Variants in NECTIN3 observed in about 807,000 individuals in gnomAD.
NECTIN3 encodes the protein nectin cell adhesion molecule 3, also known as nectin-3.
A neutral mutation model predicts 49.4 loss-of-function variants in NECTIN3; 8 were observed. That is an observed-to-expected ratio of 0.16 (90% CI 0.10 to 0.29). NECTIN3 has a LOEUF of 0.29. Ranked by LOEUF, NECTIN3 falls within the 10% of genes least tolerant of loss-of-function variation. The pLI, the probability that NECTIN3 is intolerant of heterozygous loss-of-function variation, is 1.00. For synonymous variants in NECTIN3, 277 were observed against 241.1 expected (o/e 1.15, Z -1.38); for missense variants, 581 against 654.6 (o/e 0.89, Z 1.23).
At chr3:111,172,210 T>G (rs1559817977) in intron 7 of NECTIN3, among the ~76,000 whole-genome samples, 1 of 152,182 alleles carries the variant, frequency 6.6e-6, no homozygotes, top group Non-Finnish European at 1.5e-5. Context: ...CTCATTTTAG[T>G]GCCTCTCATC....
upstream of NECTIN3, among the ~76,000 whole-genome samples, chr3:111,187,708 T>C (rs1330037818): frequency 6.6e-6 from 1 of 152,172 alleles, no homozygotes; most frequent in African/African-American, 2.4e-5. Context: ...AGCTACATAC[T>C]GAATGATTTC....
intron 7 of NECTIN3, among the ~76,000 whole-genome samples, chr3:111,158,959 G>T (rs1253454815): frequency 1.3e-5 from 2 of 152,022 alleles, no homozygotes; most frequent in Non-Finnish European, 2.9e-5. Context: ...TGTACTAATG[G>T]CCAATAAGCA....
At chr3:111,076,332 A>G (rs1576062364) in intron 1 of NECTIN3, among the ~76,000 whole-genome samples, 1 of 152,152 alleles carries the variant, frequency 6.6e-6, no homozygotes, top group East Asian at 1.9e-4. Context: ...TAAATAATAC[A>G]TTGCTATAAC....
chr3:111,187,635 A>G (rs1183767000), upstream of NECTIN3, among the ~76,000 whole-genome samples: 2 of 152,238 alleles, frequency 1.3e-5, no homozygotes, highest in East Asian at 1.9e-4. Context: ...GGAATAAACC[A>G]TCAAGTCATG....
At chr3:111,113,311 C>T (rs1290203201) in intron 2 of NECTIN3, among the ~76,000 whole-genome samples, 1 of 152,142 alleles carries the variant, frequency 6.6e-6, no homozygotes, top group Non-Finnish European at 1.5e-5. Flanking sequence ...TGTCAGGGTA[C>T]TGATAGCTCC....
chr3:111,179,344 G>T lies in NECTIN3; in HGVS notation c.1222-13007G>T, dbSNP rs1446216921. 4.6e-5 allele frequency among the ~76,000 whole-genome samples: 7 copies of T among 152,202 alleles called. No homozygotes were observed. In the East Asian group the frequency reaches 1.4e-3, roughly 29 times the overall value. On this transcript the variant is annotated intron_variant, in intron 7 of 8. Transcript: ENST00000493615. Reference sequence around the variant, plus strand: ...AAGATTTCCAGTCCAGCTGGCACAGGTTTCTCAACAAAGCTAGCACCCAAG... The same window carrying T: ...AAGATTTCCAGTCCAGCTGGCACAGTTTTCTCAACAAAGCTAGCACCCAAG...
At chr3:111,140,726 A>G (rs1247310964), downstream of NECTIN3, among the ~76,000 whole-genome samples, 1 of 151,796 alleles carries the variant, frequency 6.6e-6, no homozygotes, top group Non-Finnish European at 1.5e-5. Flanking sequence ...GTGTCACAAG[A>G]TGTGAAGGAA....
intron 1 of NECTIN3, among the ~76,000 whole-genome samples, chr3:111,102,500 A>G (rs985983704): frequency 1.3e-5 from 2 of 152,252 alleles, no homozygotes; most frequent in South Asian, 4.1e-4. Flanking sequence ...AACCCAGGTT[A>G]AATCTTGTTC....
In NECTIN3 at chr3:111,136,692, T is replaced by C. The variant is rs928176535; in HGVS notation, c.*2477T>C. ...ACTATCGTGAAAAAAAATGAATATT[T>C]GTACTATTTTTGGCCATATTTATAT... On this transcript the variant is annotated 3_prime_UTR_variant, in exon 6 of 6. Transcript: ENST00000485303. The C allele has an allele frequency of 4.9e-5, 45 of 912,612 alleles. No individual in the cohort carries two copies. In the African/African-American group the frequency reaches 7.9e-4, roughly 16 times the overall value. 56.5% of individuals were successfully genotyped at this position (912,612 alleles called of 1,614,324 possible). A position where few individuals can be genotyped will look rare whatever the true frequency, so the allele number is the denominator to read the frequency against.
intron 2 of NECTIN3, among the ~76,000 whole-genome samples, chr3:111,113,195 G>A (rs1034576862): frequency 2.0e-5 from 3 of 152,144 alleles, no homozygotes; most frequent in Non-Finnish European, 4.4e-5. Flanking sequence ...GTAGCCAGGG[G>A]TAAGCTCTTC....
At chr3:111,186,409 G>C (rs1279186445) in intron 7 of NECTIN3, among the ~76,000 whole-genome samples, 1 of 152,130 alleles carries the variant, frequency 6.6e-6, no homozygotes, top group East Asian at 1.9e-4. Context: ...AAGCTGTACA[G>C]CTAACATCAT....
chr3:111,146,895 A>G (rs2034887934), intron 6 of NECTIN3, among the ~76,000 whole-genome samples: 1 of 152,136 alleles, frequency 6.6e-6, no homozygotes, highest in South Asian at 2.1e-4. Flanking sequence ...CTAAAAATGT[A>G]ATGGTTATTT....
At chr3:111,100,755 T>G (rs1212898166) in intron 1 of NECTIN3, among the ~76,000 whole-genome samples, 1 of 146,314 alleles carries the variant, frequency 6.8e-6, no homozygotes, top group African/African-American at 2.8e-5. Flanking sequence ...AATAATTCAT[T>G]AGTATTTTAA....
At chr3:111,132,181 A>G (rs1323006840) in intron 5 of NECTIN3, among the ~76,000 whole-genome samples, 1 of 151,864 alleles carries the variant, frequency 6.6e-6, no homozygotes, top group African/African-American at 2.4e-5. Context: ...TCATAAATTA[A>G]AACTTCTTTG....
chr3:111,108,012 G>A (rs757637928), intron 1 of NECTIN3, among the ~76,000 whole-genome samples: 8 of 152,086 alleles, frequency 5.3e-5, no homozygotes, highest in Non-Finnish European at 8.8e-5. Flanking sequence ...CAACGCTTTG[G>A]TGAAAGGTTT....
chr3:111,126,327 A>C lies in NECTIN3; in HGVS notation c.1061A>C (p.Tyr354Ser). 1 of 1,604,558 alleles carries C rather than the reference A, an allele frequency of 6.2e-7. No individual in the cohort carries two copies. Among genetic ancestry groups the C allele is most frequent in the Non-Finnish European group, 8.5e-7 (1 of 1,176,804 alleles). The change falls in exon 5 of 6, where the codon TAC becomes TCC. Residue 354 changes from tyrosine (Y) to serine (S), a missense_variant. Tyr to Ser is a moderately radical substitution (Grantham distance 144). Transcript: ENST00000485303. ...CAAAGAAGTGACCAAAAAGTCATCT[A>C]CATTTCAGGTAAGTTACTATCTGCT... ...LGQRSDQKVIYISDPPTTTTL... is the reference protein window; with the variant it reads ...LGQRSDQKVISISDPPTTTTL...
chr3:111,077,988 A>G (rs2031336215), intron 1 of NECTIN3, among the ~76,000 whole-genome samples: 1 of 152,230 alleles, frequency 6.6e-6, no homozygotes, highest in Admixed American at 6.5e-5. Context: ...TGTAACCAAA[A>G]TATCATTTCA....
intron 7 of NECTIN3, among the ~76,000 whole-genome samples, chr3:111,174,570 T>G (rs1406427166): frequency 6.6e-6 from 1 of 152,122 alleles, no homozygotes; most frequent in African/African-American, 2.4e-5. Flanking sequence ...TTGTAGTGAT[T>G]TAGCCATTTA....
rs1362426755 is a variant in NECTIN3, at chr3:111,135,233, T to G, written c.*1018T>G. ...ACAGAAAGAAAATTTTAGAGTAAAC[T>G]TGGAACTTTGGATATAACTAGAAAA... On this transcript the variant is annotated 3_prime_UTR_variant, in exon 6 of 6. Transcript: ENST00000485303. 3.1e-6 allele frequency: 3 copies of G among 969,712 alleles called. No homozygotes were observed. The African/African-American group carries it at 5.3e-5, about 17-fold the overall frequency. 60.1% of individuals were successfully genotyped at this position (969,712 alleles called of 1,614,324 possible).
Sources: allele counts gnomAD v4.1 joint callset (sites outside exome capture counted in the v4.1 genomes callset), GRCh38; gene constraint gnomAD v4.1.1; transcripts MANE v1.5; gene names NCBI Gene and HGNC (gene_info 2026-07-23, HGNC 2026-07-21).